CTNND1: variants seen among roughly 807,000 people sequenced by gnomAD.
The protein encoded by CTNND1 is catenin delta 1, also known as catenin delta-1.
In CTNND1, 16 loss-of-function variants were observed where a neutral mutation model predicts 112.1. The observed-to-expected ratio is 0.14, with a 90% CI of 0.10 to 0.22. The LOEUF (loss-of-function observed/expected upper bound fraction) is 0.22. Ranked by LOEUF, CTNND1 falls within the 10% of genes least tolerant of loss-of-function variation. The probability of loss-of-function intolerance (pLI) is 1.00; values close to 1 mark genes in which losing one functional copy is unlikely to be tolerated. For synonymous variants in CTNND1, 420 were observed against 446.5 expected (o/e 0.94, Z 0.75); for missense variants, 1,008 against 1,257.0 (o/e 0.80, Z 3.00).
chr11:57,807,605 CAAAAA>C (rs71470294), intron 12 of CTNND1, among the ~76,000 whole-genome samples: 14 of 29,226 alleles, frequency 4.8e-4, no homozygotes, highest in African/African-American at 1.0e-3. Context: ...AACTCCGTCT[CAAAAA>C]AAAAAAAAAA....
chr11:57,808,190 G>A lies in CTNND1; in HGVS notation c.1989G>A (p.Glu663=). ...GCTATGAGCTCTTATTTCAGCCAGA[G>A]GTGGTTCGGATATACATCTCACTTC... is the stretch of plus-strand genomic sequence containing the variant. ...ARGYELLFQP[E]VVRIYISLLK... Residue 663 remains glutamate, a synonymous_variant, in exon 13 of 21, where the codon GAG becomes GAA. Transcript: ENST00000399050. 6.2e-7 allele frequency: 1 copy of A among 1,613,174 alleles called. No individual in the cohort carries two copies. The highest frequency in any genetic ancestry group is 8.5e-7 in the Non-Finnish European group (1 of 1,179,264).
At chr11:57,805,282 C>G (rs2062521063) in intron 9 of CTNND1, among the ~76,000 whole-genome samples, 1 of 152,038 alleles carries the variant, frequency 6.6e-6, no homozygotes, top group Non-Finnish European at 1.5e-5. Context: ...GAGTCTGGCT[C>G]TGTCCCAGGC....
intron 1 of CTNND1, among the ~76,000 whole-genome samples, chr11:57,782,480 G>A (rs767823844): frequency 2.9e-4 from 44 of 152,304 alleles, no homozygotes; most frequent in African/African-American, 7.0e-4. Context: ...CAGTGCAGAC[G>A]TGGTAGAAGA....
chr11:57,764,251 C>G (rs1209050143), intron 1 of CTNND1: 1 of 151,916 alleles, frequency 6.6e-6, no homozygotes, highest in Non-Finnish European at 1.5e-5. Flanking sequence ...GGGGGCGGTT[C>G]TCTTTTAGGT....
chr11:57,811,796 A>AATAG (rs5792065), intron 17 of CTNND1, among the ~76,000 whole-genome samples: 142,777 of 152,016 alleles, frequency 0.94, 67,708 homozygotes, highest in East Asian at 1. Context: ...TTAATATTGT[A>AATAG]ATAGTTACTA....
At chr11:57,794,889 A>G (rs2061190862) in intron 4 of CTNND1, among the ~76,000 whole-genome samples, 1 of 151,874 alleles carries the variant, frequency 6.6e-6, no homozygotes, top group South Asian at 2.1e-4. Flanking sequence ...GTCTCAAAAA[A>G]AAAAAAAAAA....
rs369783710 is a variant in CTNND1, at chr11:57,814,325, C to G, written c.2653C>G (p.Arg885Gly). 1.2e-6 allele frequency: 2 copies of G among 1,611,296 alleles called. No homozygotes were observed. The highest frequency in any genetic ancestry group is 1.7e-5 in the Admixed American group (1 of 59,756). The change falls in exon 18 of 21, where the codon CGG (arginine) becomes GGG (glycine). Residue 885 changes from arginine (R) to glycine (G), a missense_variant. Arg to Gly is a moderately radical substitution (Grantham distance 125). Around this residue, in one of 5 missense-constraint regions of CTNND1, gnomAD observed 106 missense variants for 116.2 expected, o/e 0.91. Coordinates refer to ENST00000399050, the MANE Select transcript of CTNND1 (RefSeq NM_001085458.2). ...RNQKSDKKPD[R>G]EEIQMSNMGS... ...ACTTCATACAGATAAGAAACCTGAT[C>G]GGGAAGAAATTCAGATGAGCAATAT... is the stretch of plus-strand genomic sequence containing the variant.
In CTNND1 at chr11:57,810,350, A is replaced by C. The variant is rs1386196307; in HGVS notation, c.2550+127A>C. ...CCTATTTTTTTTTTCTTTTTCGGAG[A>C]CAGAGTCTCACTCTGTTGCCCAGGC... On this transcript the variant is annotated intron_variant, in intron 16 of 20. Coordinates refer to ENST00000399050, the MANE Select transcript of CTNND1 (RefSeq NM_001085458.2). The C allele has an allele frequency of 4.5e-5, 26 of 576,696 alleles. No homozygotes were observed. The South Asian group carries it at 5.7e-4, about 13-fold the overall frequency. 35.7% of individuals were successfully genotyped at this position (576,696 alleles called of 1,614,324 possible).
chr11:57,805,801 A>G, intron 9 of CTNND1, 81 bp from the exon 10 acceptor site: 1 of 1,474,006 alleles, frequency 6.8e-7, no homozygotes, highest in Non-Finnish European at 9.2e-7. Context: ...ACATTTTAAT[A>G]CCTGAGTCAT....
intron 2 of CTNND1, among the ~76,000 whole-genome samples, chr11:57,791,012 T>A (rs972257122): frequency 7.2e-5 from 11 of 152,206 alleles, no homozygotes; most frequent in Non-Finnish European, 2.9e-5. Context: ...TGCAGGATAG[T>A]GAATGCTTGT....
intron 12 of CTNND1, 56 bp downstream of exon 12, chr11:57,807,039 A>G: frequency 7.4e-7 from 1 of 1,358,342 alleles, no homozygotes. Context: ...AAGATAAGAT[A>G]TTTAGTAACC....
At chr11:57,811,078 T>C (rs2137505239) in intron 16 of CTNND1, among the ~76,000 whole-genome samples, 2 of 152,196 alleles carry the variant, frequency 1.3e-5, no homozygotes, top group East Asian at 3.9e-4. Flanking sequence ...TAGGTGCAGG[T>C]GATGATGAAG....
intron 1 of CTNND1, among the ~76,000 whole-genome samples, chr11:57,786,407 C>T (rs1041875743): frequency 5.3e-5 from 8 of 152,030 alleles, no homozygotes; most frequent in Non-Finnish European, 1.0e-4. Flanking sequence ...GTGTCATGCA[C>T]CTGTAATCCC....
Position 57,797,034 on chromosome 11 carries a change from C to G in CTNND1, c.956+42C>G, listed in dbSNP as rs749903934. 8 of 1,406,662 alleles carry G rather than the reference C, an allele frequency of 5.7e-6. No homozygotes were observed. The African/African-American group carries it at 1.1e-4, about 20-fold the overall frequency. The allele number at this position is 1,406,662 out of a possible 1,614,324, so 87.1% of individuals were successfully genotyped here. ...GAAGAGAAAAGGGTCTTTCCAAGAC[C>G]AGGGACAAGGGGTAGCTTTTCCTTC... is the stretch of plus-strand genomic sequence containing the variant. On this transcript the variant is annotated intron_variant, in intron 6 of 20. Coordinates refer to ENST00000399050, the MANE Select transcript of CTNND1 (RefSeq NM_001085458.2).
chr11:57,796,372 G>A, intron 5 of CTNND1, 85 bp from the exon 6 acceptor site: 1 of 1,303,494 alleles, frequency 7.7e-7, no homozygotes, highest in Non-Finnish European at 1.0e-6. Context: ...GGGCAACAGT[G>A]CAAGACTCCA....
chr11:57,775,845 G>A (rs1176739302), intron 1 of CTNND1, among the ~76,000 whole-genome samples: 1 of 152,196 alleles, frequency 6.6e-6, no homozygotes, highest in Non-Finnish European at 1.5e-5. Context: ...GATGGGTGCT[G>A]TGTGTGCTCC....
intron 1 of CTNND1, among the ~76,000 whole-genome samples, chr11:57,786,467 A>G (rs1161848976): frequency 6.6e-6 from 1 of 152,118 alleles, no homozygotes; most frequent in East Asian, 1.9e-4. Context: ...CAGGAGGTGG[A>G]GGTTGCAGTG....
intron 11 of CTNND1, chr11:57,806,694 A>G (rs2062711461): frequency 6.3e-6 from 4 of 631,448 alleles, no homozygotes; most frequent in Non-Finnish European, 5.6e-6. Flanking sequence ...GGACAATAGC[A>G]TCAACAGTGG....
Position 57,791,453 on chromosome 11 carries a change from C to T in CTNND1, c.-26C>T, listed in dbSNP as rs777829590. On this transcript the variant is annotated 5_prime_UTR_variant, in exon 3 of 21. Coordinates refer to ENST00000399050, the MANE Select transcript of CTNND1 (RefSeq NM_001085458.2). Reference sequence around the variant, plus strand: ...GATTCACCTTCCTTTTTACCCTGCCCTGCGGCGGCTCCGCCCCTTACCTTC... The same window carrying T: ...GATTCACCTTCCTTTTTACCCTGCCTTGCGGCGGCTCCGCCCCTTACCTTC... 5 of 1,429,524 alleles carry T rather than the reference C, an allele frequency of 3.5e-6. No individual in the cohort carries two copies. Among genetic ancestry groups the T allele is most frequent in the East Asian group, 2.8e-5 (1 of 35,378 alleles). 88.6% of individuals were successfully genotyped at this position (1,429,524 alleles called of 1,614,324 possible). A position where few individuals can be genotyped will look rare whatever the true frequency, so the allele number is the denominator to read the frequency against.
Sources: gnomAD v4.1 joint callset for allele counts (sites outside exome capture counted in the v4.1 genomes callset) on GRCh38, gnomAD v4.1.1 for gene constraint, gnomAD v4.1.1 regional missense constraint, MANE v1.5 for transcripts, NCBI Gene and HGNC (gene_info 2026-07-23, HGNC 2026-07-21) for gene names.